OR1J2: variants seen among roughly 807,000 people sequenced by gnomAD.
OR1J2 encodes the protein olfactory receptor 1J2.
For synonymous variants in OR1J2, 142 were observed against 99.7 expected (o/e 1.42, Z -2.52); for missense variants, 304 against 246.1 (o/e 1.24, Z -1.57).
At chr9:122,502,876 A>G in the OR1J2 span, among the ~76,000 whole-genome samples, 1 of 152,172 alleles carries the variant, frequency 6.6e-6, no homozygotes, top group South Asian at 2.1e-4. Context: ...GTATGGTAAG[A>G]GGGGCCACTC....
chr9:122,519,822 G>C, the OR1J2 span: 2 of 1,614,038 alleles, frequency 1.2e-6, no homozygotes, highest in Non-Finnish European at 1.7e-6. Context: ...CATCCTCAAG[G>C]CTCCATCTAC....
the OR1J2 span, among the ~76,000 whole-genome samples, chr9:122,530,697 G>A: frequency 4.6e-5 from 7 of 152,158 alleles, no homozygotes; most frequent in East Asian, 1.9e-4. Context: ...GGCTGAGTCC[G>A]AAAAGAGAGT....
chr9:122,448,640 A>C, the OR1J2 span, among the ~76,000 whole-genome samples: 7 of 152,068 alleles, frequency 4.6e-5, no homozygotes, highest in Admixed American at 4.6e-4. Flanking sequence ...TCTGCAGTGC[A>C]TTGTGCTCCT....
At chr9:122,556,685 GAAAAA>G in the OR1J2 span, among the ~76,000 whole-genome samples, 1 of 150,580 alleles carries the variant, frequency 6.6e-6, no homozygotes, top group Non-Finnish European at 1.5e-5. Flanking sequence ...AAATTTAAAA[GAAAAA>G]AAAAGTAAGT....
chr9:122,567,251 T>C, the OR1J2 span: 9 of 250,366 alleles, frequency 3.6e-5, no homozygotes, highest in Non-Finnish European at 7.6e-6. Context: ...GAGAGAAATT[T>C]GTTTAGGAAA....
At chr9:122,477,417 A>G in the OR1J2 span, 3 of 1,614,092 alleles carry the variant, frequency 1.9e-6, no homozygotes, top group Non-Finnish European at 2.5e-6. Context: ...TGATGTGGTC[A>G]GCACAGAAGG....
At chr9:122,559,599 G>A in the OR1J2 span, among the ~76,000 whole-genome samples, 1 of 152,136 alleles carries the variant, frequency 6.6e-6, no homozygotes, top group Non-Finnish European at 1.5e-5. Flanking sequence ...AGTCATTCAG[G>A]AGTAGGTTGT....
chr9:122,519,038 C>T, the OR1J2 span: 2 of 760,562 alleles, frequency 2.6e-6, no homozygotes, highest in East Asian at 2.5e-5. Flanking sequence ...GCATATTCAT[C>T]AGTAGCAAGG....
chr9:122,523,426 G>C, the OR1J2 span, among the ~76,000 whole-genome samples: 32 of 152,108 alleles, frequency 2.1e-4, no homozygotes, highest in Non-Finnish European at 3.7e-4. Flanking sequence ...TTAGTCTCAG[G>C]GAAGGTTATG....
At chr9:122,533,850 C>T in the OR1J2 span, among the ~76,000 whole-genome samples, 1 of 152,124 alleles carries the variant, frequency 6.6e-6, no homozygotes, top group Non-Finnish European at 1.5e-5. Context: ...AGCTCAGTGT[C>T]TGTGATGGTC....
chr9:122,574,958 T>C, the OR1J2 span, among the ~76,000 whole-genome samples: 4 of 152,150 alleles, frequency 2.6e-5, no homozygotes, highest in African/African-American at 4.8e-5. Flanking sequence ...TATGTATTCA[T>C]GTGGCTTTTC....
chr9:122,487,458 A>AACAC, the OR1J2 span, among the ~76,000 whole-genome samples: 16,231 of 148,972 alleles, frequency 0.11, 913 homozygotes, highest in Admixed American at 0.15. Flanking sequence ...GGAGATGATT[A>AACAC]ACACACACAC....
At chr9:122,556,485 T>G in the OR1J2 span, among the ~76,000 whole-genome samples, 1 of 152,190 alleles carries the variant, frequency 6.6e-6, no homozygotes, top group East Asian at 1.9e-4. Flanking sequence ...TACTGCAGGC[T>G]TACAGTAAGT....
At chr9:122,519,773 A>C in the OR1J2 span, 1 of 1,614,074 alleles carries the variant, frequency 6.2e-7, no homozygotes, top group Non-Finnish European at 8.5e-7. Flanking sequence ...CTCTACCACT[A>C]ATATGCATCT....
chr9:122,474,214 C>A, the OR1J2 span, among the ~76,000 whole-genome samples: 2 of 152,182 alleles, frequency 1.3e-5, no homozygotes, highest in East Asian at 1.9e-4. Context: ...TCTGTTAAAT[C>A]TTTGCAGAAA....
chr9:122,521,920 A>C, the OR1J2 span, among the ~76,000 whole-genome samples: 1 of 152,198 alleles, frequency 6.6e-6, no homozygotes, highest in Non-Finnish European at 1.5e-5. Flanking sequence ...TTCCTCAAGA[A>C]ATGGCAAGCT....
At chr9:122,489,622 A>G in the OR1J2 span, among the ~76,000 whole-genome samples, 1 of 152,178 alleles carries the variant, frequency 6.6e-6, no homozygotes, top group South Asian at 2.1e-4. Flanking sequence ...TCAATAACCA[A>G]TGTATAGGAA....
At chr9:122,510,738 A>G, upstream of OR1J2, 2 of 951,910 alleles carry the variant, frequency 2.1e-6, no homozygotes, top group Non-Finnish European at 3.2e-6. Flanking sequence ...ACTGCTAAAA[A>G]TGATAATTTC....
At chr9:122,468,993 T>A in the OR1J2 span, among the ~76,000 whole-genome samples, 2 of 152,236 alleles carry the variant, frequency 1.3e-5, no homozygotes, top group Non-Finnish European at 2.9e-5. Flanking sequence ...TGAGTTGTCC[T>A]GGTTTACAGA....
Sources: gnomAD v4.1 joint callset for allele counts (sites outside exome capture counted in the v4.1 genomes callset) on GRCh38, gnomAD v4.1.1 for gene constraint, MANE v1.5 for transcripts, NCBI Gene and HGNC (gene_info 2026-07-23, HGNC 2026-07-21) for gene names.